The following ERC1 variants were observed in gnomAD, a reference collection of about 807,000 sequenced individuals.
The protein encoded by ERC1 is RAB6 interacting protein 2.
In ERC1, 56 loss-of-function variants were observed where a neutral mutation model predicts 132.0. The ratio of observed to expected loss-of-function variants is 0.42; its 90% CI spans 0.34 to 0.53. The LOEUF (loss-of-function observed/expected upper bound fraction) is 0.53. Among genes scored for constraint, ERC1 ranks in the 20% least tolerant of loss-of-function variants. The pLI is 0.03. For synonymous variants in ERC1, 478 were observed against 476.1 expected (o/e 1.00, Z -0.05); for missense variants, 1,202 against 1,349.9 (o/e 0.89, Z 1.72).
At chr12:1,023,578 A>C (rs1966680176) in intron 1 of ERC1, among the ~76,000 whole-genome samples, 1 of 152,162 alleles carries the variant, frequency 6.6e-6, no homozygotes, top group African/African-American at 2.4e-5. Flanking sequence ...GTAAAAAAGT[A>C]CTGGAGAAGT....
intron 11 of ERC1, among the ~76,000 whole-genome samples, chr12:1,189,075 TAAAC>T (rs1955431655): frequency 6.6e-6 from 1 of 152,308 alleles, no homozygotes; most frequent in East Asian, 1.9e-4. Context: ...AAATTTTTCT[TAAAC>T]AATTTTTTTT....
chr12:1,116,943 A>G (rs61398522), intron 7 of ERC1, among the ~76,000 whole-genome samples: 6,711 of 152,278 alleles, frequency 0.044, 500 homozygotes, highest in African/African-American at 0.15. Context: ...TTAGGTATCC[A>G]CCATCTTCAG....
At chr12:1,304,689 A>G (rs1347700440) in intron 15 of ERC1, among the ~76,000 whole-genome samples, 2 of 150,866 alleles carry the variant, frequency 1.3e-5, no homozygotes, top group South Asian at 2.1e-4. Context: ...TTCTGTTAGG[A>G]GAACCTCTGT....
intron 13 of ERC1, among the ~76,000 whole-genome samples, chr12:1,246,571 G>C (rs2076171630): frequency 6.6e-6 from 1 of 152,160 alleles, no homozygotes; most frequent in South Asian, 2.1e-4. Flanking sequence ...GGCTTTCATA[G>C]TCTCAAAATG....
At chr12:1,377,607 G>A (rs2088101314) in intron 16 of ERC1, among the ~76,000 whole-genome samples, 1 of 152,164 alleles carries the variant, frequency 6.6e-6, no homozygotes, top group Non-Finnish European at 1.5e-5. Context: ...ATGTATATAG[G>A]TTAATGCCTT....
intron 18 of ERC1, among the ~76,000 whole-genome samples, chr12:1,447,024 A>C (rs1279158444): frequency 6.7e-6 from 1 of 149,578 alleles, no homozygotes; most frequent in African/African-American, 2.6e-5. Flanking sequence ...CCCTGTCTCT[A>C]AAACGAAAAA....
intron 7 of ERC1, among the ~76,000 whole-genome samples, chr12:1,129,583 A>C (rs1351103358): frequency 6.6e-6 from 1 of 152,186 alleles, no homozygotes; most frequent in Non-Finnish European, 1.5e-5. Context: ...AGGATTAACA[A>C]TTAGGCCAAC....
At position 1,083,145 on chromosome 12, in the gene ERC1, C is replaced by G; in HGVS notation, c.670-19C>G. ...GGAGGAAAGCTGATTTGGGGGTTTTCTTTTTGTCTTGGTTCTAGCACATGC... is the reference window on the plus strand; with the variant it reads ...GGAGGAAAGCTGATTTGGGGGTTTTGTTTTTGTCTTGGTTCTAGCACATGC... On this transcript the variant is annotated intron_variant, in intron 2 of 18. Transcript: ENST00000360905. 2 of 1,580,618 alleles carry G rather than the reference C, an allele frequency of 1.3e-6. No individual in the cohort carries two copies. The highest frequency in any genetic ancestry group is 2.2e-5 in the East Asian group (1 of 44,550).
chr12:1,420,022 C>T (rs2092359735), intron 17 of ERC1, among the ~76,000 whole-genome samples: 2 of 152,084 alleles, frequency 1.3e-5, no homozygotes, highest in South Asian at 4.1e-4. Flanking sequence ...GCCTTTTGTT[C>T]TCTGCTTGGG....
chr12:1,244,497 G>GGTTT (rs71055140), intron 13 of ERC1: 62,224 of 442,084 alleles, frequency 0.14, 4,282 homozygotes, highest in Non-Finnish European at 0.17. Flanking sequence ...TGTACTTAAT[G>GGTTT]GTTTGTTTGT....
chr12:1,137,060 A>AG (rs1949313777), intron 7 of ERC1, among the ~76,000 whole-genome samples: 1 of 145,090 alleles, frequency 6.9e-6, no homozygotes, highest in African/African-American at 2.5e-5. Context: ...TCTACTCACC[A>AG]GTTCTTTTTT....
intron 2 of ERC1, among the ~76,000 whole-genome samples, chr12:1,054,665 C>G (rs1450921122): frequency 6.6e-6 from 1 of 152,104 alleles, no homozygotes; most frequent in African/African-American, 2.4e-5. Context: ...GCTGCATTCA[C>G]TCGCACAAGG....
intron 17 of ERC1, among the ~76,000 whole-genome samples, chr12:1,424,821 AGATAGATAGATAGATAGATAGAT>A (rs2092558636): frequency 7.2e-6 from 1 of 139,120 alleles, no homozygotes; most frequent in Non-Finnish European, 1.5e-5. Flanking sequence ...ATAGATAGAT[AGATAGATAGATAGATAGATAGAT>A]GATAGATAGA....
chr12:1,235,129 G>T (rs539310974), intron 12 of ERC1, among the ~76,000 whole-genome samples: 60 of 152,344 alleles, frequency 3.9e-4, no homozygotes, highest in Non-Finnish European at 6.3e-4. Flanking sequence ...AACACTGGGA[G>T]GCAGAGGCCA....
chr12:1,042,417 C>T (rs1478656837), intron 2 of ERC1, among the ~76,000 whole-genome samples: 1 of 143,430 alleles, frequency 7.0e-6, no homozygotes, highest in East Asian at 2.2e-4. Flanking sequence ...ACGATCTTGG[C>T]TCACTGTAAC....
chr12:1,288,511 G>C (rs2079190995), intron 14 of ERC1, among the ~76,000 whole-genome samples: 1 of 152,150 alleles, frequency 6.6e-6, no homozygotes, highest in African/African-American at 2.4e-5. Context: ...AAATTCAGGT[G>C]CCAAAAAAAC....
At position 1,444,623 on chromosome 12, in the gene ERC1, AC is replaced by A; in HGVS notation, c.3088del (p.Leu1030Ter). 2 of 1,614,078 alleles carry A rather than the reference AC, an allele frequency of 1.2e-6. No individual in the cohort carries two copies. The highest frequency in any genetic ancestry group is 1.7e-6 in the Non-Finnish European group (2 of 1,179,964). ...NRSKLKLYIG[H>X]LTTLCHDRDP... The stretch of plus-strand genomic sequence containing the variant: ...AGTAAATTAAAGTTGTACATTGGAC[AC>A]CTGACAACCCTCTGCCATGACCGAG... On this transcript the variant is annotated frameshift_variant, in exon 18 of 19. Coordinates refer to ENST00000360905, the MANE Select transcript of ERC1 (RefSeq NM_178040.4). LOFTEE classifies it high-confidence loss of function.
intron 15 of ERC1, among the ~76,000 whole-genome samples, chr12:1,344,363 A>G (rs544554060): frequency 6.6e-5 from 10 of 152,182 alleles, no homozygotes; most frequent in Middle Eastern, 3.4e-3. Context: ...AGTGGGAGAA[A>G]GGGGGGAAAG....
intron 17 of ERC1, among the ~76,000 whole-genome samples, chr12:1,418,268 A>G (rs1306562870): frequency 6.6e-6 from 1 of 152,238 alleles, no homozygotes; most frequent in Non-Finnish European, 1.5e-5. Flanking sequence ...CAACAGAAGC[A>G]GGAAGGTCTC....
Sources: gnomAD v4.1 joint callset for allele counts (sites outside exome capture counted in the v4.1 genomes callset) on GRCh38, gnomAD v4.1.1 for gene constraint, MANE v1.5 for transcripts, NCBI Gene and HGNC (gene_info 2026-07-23, HGNC 2026-07-21) for gene names.